The following MYRIP variants were observed in gnomAD, a reference collection of about 807,000 sequenced individuals.
MYRIP encodes rab effector MyRIP.
A neutral mutation model predicts 98.0 loss-of-function variants in MYRIP; 49 were observed. That is an observed-to-expected ratio of 0.50 (90% CI 0.40 to 0.63). MYRIP has a LOEUF of 0.63. Among genes scored for constraint, MYRIP ranks in the 30% least tolerant of loss-of-function variants. The pLI is 0.00. For missense variants in MYRIP, 1,004 were observed against 1,058.2 expected (o/e 0.95, Z 0.71); for synonymous variants, 404 against 409.5 (o/e 0.99, Z 0.16).
At chr3:39,833,866 C>T (rs143489548) in intron 1 of MYRIP, among the ~76,000 whole-genome samples, 3 of 152,200 alleles carry the variant, frequency 2.0e-5, no homozygotes, top group African/African-American at 4.8e-5. Flanking sequence ...ACTAAAAATA[C>T]AAAAAATTCG....
intron 9 of MYRIP, 96 bp from the exon 10 acceptor site, chr3:40,189,730 C>T (rs1290609941): frequency 1.5e-6 from 2 of 1,350,700 alleles, no homozygotes; most frequent in Non-Finnish European, 2.0e-6. Flanking sequence ...CCAACAGCCC[C>T]ACAAGCCACT....
chr3:40,068,900 C>T (rs1366129336), intron 3 of MYRIP, among the ~76,000 whole-genome samples: 1 of 152,212 alleles, frequency 6.6e-6, no homozygotes, highest in Non-Finnish European at 1.5e-5. Context: ...CCTGTGAATT[C>T]ATCATGCTTT....
chr3:40,112,722 T>C (rs1949185319), intron 3 of MYRIP, among the ~76,000 whole-genome samples: 1 of 152,184 alleles, frequency 6.6e-6, no homozygotes, highest in South Asian at 2.1e-4. Context: ...GGATTTTTCA[T>C]CCAGTAGAGT....
chr3:40,164,789 T>C (rs1306749884), intron 5 of MYRIP, among the ~76,000 whole-genome samples: 1 of 152,224 alleles, frequency 6.6e-6, no homozygotes, highest in Non-Finnish European at 1.5e-5. Flanking sequence ...CATCCAAGAA[T>C]TATAATCATA....
chr3:40,070,760 G>A (rs1948208145), intron 3 of MYRIP, among the ~76,000 whole-genome samples: 1 of 152,136 alleles, frequency 6.6e-6, no homozygotes, highest in Non-Finnish European at 1.5e-5. Context: ...ACCAGTCCCT[G>A]GTACCAGAAA....
chr3:40,060,140 A>G (rs1324755583), intron 3 of MYRIP, among the ~76,000 whole-genome samples: 1 of 152,040 alleles, frequency 6.6e-6, no homozygotes, highest in African/African-American at 2.4e-5. Flanking sequence ...TCAAAAATTG[A>G]GTCTTTTTAA....
chr3:39,912,303 G>C (rs985966329), intron 2 of MYRIP, among the ~76,000 whole-genome samples: 2 of 152,280 alleles, frequency 1.3e-5, no homozygotes, highest in Middle Eastern at 3.4e-3. Flanking sequence ...AGGTTGGCAG[G>C]CTGTTTGGTT....
intron 8 of MYRIP, chr3:40,173,491 C>T (rs1318691018): frequency 3.3e-5 from 5 of 152,242 alleles, no homozygotes; most frequent in Non-Finnish European, 7.3e-5. Flanking sequence ...ACAGTGGGCT[C>T]TTGTATCATA....
At chr3:39,891,370 T>TC (rs1183826743) in intron 1 of MYRIP, among the ~76,000 whole-genome samples, 2 of 152,138 alleles carry the variant, frequency 1.3e-5, no homozygotes, top group African/African-American at 4.8e-5. Context: ...ATAATGAGCA[T>TC]CCCCTCTGTA....
At chr3:40,152,271 T>A (rs1950139624) in intron 4 of MYRIP, among the ~76,000 whole-genome samples, 1 of 152,170 alleles carries the variant, frequency 6.6e-6, no homozygotes, top group Non-Finnish European at 1.5e-5. Flanking sequence ...CTCAAGAAGG[T>A]TTATGAATAG....
At chr3:40,077,625 C>G (rs185968700) in intron 3 of MYRIP, among the ~76,000 whole-genome samples, 50 of 152,222 alleles carry the variant, frequency 3.3e-4, no homozygotes, top group Non-Finnish European at 5.7e-4. Flanking sequence ...GTTTACAAAC[C>G]TTGAGCTAGA....
chr3:39,980,956 G>A (rs1192894852), intron 2 of MYRIP, among the ~76,000 whole-genome samples: 2 of 152,158 alleles, frequency 1.3e-5, no homozygotes, highest in Non-Finnish European at 2.9e-5. Flanking sequence ...GAATTATGGA[G>A]ATGGAGATGG....
intron 1 of MYRIP, among the ~76,000 whole-genome samples, chr3:39,890,698 G>A (rs541264789): frequency 6.6e-6 from 1 of 151,264 alleles, no homozygotes; most frequent in African/African-American, 2.4e-5. Flanking sequence ...AGTGGAGAAA[G>A]GAGTATTTTT....
At position 40,125,381 on chromosome 3, in the gene MYRIP, G is replaced by A. The variant is rs571719187; in HGVS notation, c.333-25667G>A. Among the ~76,000 whole-genome samples, 11 of 152,296 alleles carry A rather than the reference G, an allele frequency of 7.2e-5. No homozygotes were observed. In the South Asian group the frequency reaches 1.0e-3, roughly 14 times the overall value. ...TTCAAGGGTGGGAAGCATCCAGCACGGGAGAAAGATGTAGGCTGGGAGGCT... is the reference window on the plus strand; with the variant it reads ...TTCAAGGGTGGGAAGCATCCAGCACAGGAGAAAGATGTAGGCTGGGAGGCT... On this transcript the variant is annotated intron_variant, in intron 3 of 16. Coordinates refer to ENST00000302541, the MANE Select transcript of MYRIP (RefSeq NM_015460.4).
At chr3:40,128,602 T>G (rs1949570415) in intron 3 of MYRIP, among the ~76,000 whole-genome samples, 1 of 152,200 alleles carries the variant, frequency 6.6e-6, no homozygotes, top group Non-Finnish European at 1.5e-5. Context: ...ATCTCCAGGT[T>G]GGCGACACCT....
chr3:39,944,109 C>CTATTAAAAAA (rs1944848953), intron 2 of MYRIP, among the ~76,000 whole-genome samples: 1 of 152,100 alleles, frequency 6.6e-6, no homozygotes, highest in African/African-American at 2.4e-5. Flanking sequence ...CTATTGTAGG[C>CTATTAAAAAA]TCATACATTA....
chr3:40,131,309 A>AT (rs1313190407), intron 3 of MYRIP, among the ~76,000 whole-genome samples: 1 of 152,076 alleles, frequency 6.6e-6, no homozygotes, highest in Admixed American at 6.6e-5. Context: ...CATATTTGTT[A>AT]TTTTTTACTG....
intron 3 of MYRIP, among the ~76,000 whole-genome samples, chr3:40,084,753 T>C (rs965702901): frequency 8.0e-6 from 1 of 125,732 alleles, no homozygotes; most frequent in African/African-American, 3.0e-5. Flanking sequence ...TGTATCTATG[T>C]GTTACATGTC....
Position 39,870,971 on chromosome 3 carries a change from T to C in MYRIP, c.-30-29816T>C, listed in dbSNP as rs77541432. Among the ~76,000 whole-genome samples the C allele has an allele frequency of 9.9e-3, 1,508 of 152,286 alleles. 26 individuals carry two copies. Among genetic ancestry groups the C allele is most frequent in the African/African-American group, 0.035 (1,446 of 41,554 alleles). On this transcript the variant is annotated intron_variant, in intron 1 of 16. Transcript: ENST00000302541. ...ATCTTAATTCCTGCCAAAGAAAAGA[T>C]GAAGTGTATATACTAGCTGAGGATA... is the stretch of plus-strand genomic sequence containing the variant.
Sources: gnomAD v4.1 joint callset for allele counts (sites outside exome capture counted in the v4.1 genomes callset) on GRCh38, gnomAD v4.1.1 for gene constraint, MANE v1.5 for transcripts, NCBI Gene and HGNC (gene_info 2026-07-23, HGNC 2026-07-21) for gene names.